ZMYM2: variants seen among roughly 807,000 people sequenced by gnomAD.
ZMYM2 encodes zinc finger MYM-type protein 2.
In ZMYM2, 56 loss-of-function variants were observed where a neutral mutation model predicts 162.8. That is an observed-to-expected ratio of 0.34 (90% CI 0.28 to 0.43). ZMYM2 has a LOEUF of 0.43. ZMYM2 is among the 20% of genes least tolerant of loss of function. The pLI is 1.00. For missense variants in ZMYM2, 1,275 were observed against 1,621.8 expected (o/e 0.79, Z 3.67); for synonymous variants, 510 against 541.6 (o/e 0.94, Z 0.81).
rs781779620 is a variant in ZMYM2 at position 19,993,927 on chromosome 13, G to C, written c.847+8G>C. On this transcript the variant is annotated splice_region_variant and intron_variant, in intron 3 of 24. Coordinates refer to ENST00000610343, the MANE Select transcript of ZMYM2 (RefSeq NM_197968.4). ...CAACTCATCATAATCCTGGTAAGCAGTAAGAGATACTCTACTTCATGTAAA... is the reference window on the plus strand; with the variant it reads ...CAACTCATCATAATCCTGGTAAGCACTAAGAGATACTCTACTTCATGTAAA... 2 of 1,599,624 alleles carry C rather than the reference G, an allele frequency of 1.3e-6. No individual in the cohort carries two copies. Among genetic ancestry groups the C allele is most frequent in the Non-Finnish European group, 1.7e-6 (2 of 1,175,204 alleles).
intron 21 of ZMYM2, among the ~76,000 whole-genome samples, chr13:20,071,366 C>A (rs1370751071): frequency 1.3e-5 from 2 of 152,214 alleles, no homozygotes; most frequent in African/African-American, 4.8e-5. Flanking sequence ...AACAAAGGAA[C>A]GAAGCAGCGA....
intron 14 of ZMYM2, among the ~76,000 whole-genome samples, chr13:20,053,518 G>C (rs1009497169): frequency 6.6e-6 from 1 of 152,184 alleles, no homozygotes; most frequent in Non-Finnish European, 1.5e-5. Flanking sequence ...CGGGCGTGGT[G>C]GTGGGCACCT....
At chr13:20,018,568 G>A (rs1289032473) in intron 6 of ZMYM2, among the ~76,000 whole-genome samples, 1 of 152,096 alleles carries the variant, frequency 6.6e-6, no homozygotes, top group Non-Finnish European at 1.5e-5. Flanking sequence ...TGCTCACTTA[G>A]TTTCTGAAGT....
At chr13:20,074,196 TTG>T (rs59855358) in intron 21 of ZMYM2, among the ~76,000 whole-genome samples, 65,525 of 141,252 alleles carry the variant, frequency 0.46, 16,493 homozygotes, top group East Asian at 0.61. Context: ...ATGTCAGAAT[TTG>T]TGTGTGTGTG....
At chr13:19,949,100 T>G in the ZMYM2 span, among the ~76,000 whole-genome samples, 1 of 34,046 alleles carries the variant, frequency 2.9e-5, no homozygotes, top group Non-Finnish European at 1.2e-4. Context: ...AACCTTATCT[T>G]CACAAAAAAA....
intron 12 of ZMYM2, among the ~76,000 whole-genome samples, chr13:20,046,651 GTATATGTGTGTATA>G (rs1369701809): frequency 2.0e-4 from 28 of 142,044 alleles, no homozygotes; most frequent in Admixed American, 4.2e-4. Flanking sequence ...GTGTACATAT[GTATATGTGTGTATA>G]TATATGTGTG....
chr13:19,888,466 G>A, the ZMYM2 span, among the ~76,000 whole-genome samples: 2 of 151,938 alleles, frequency 1.3e-5, no homozygotes, highest in Non-Finnish European at 2.9e-5. Flanking sequence ...TGGCAATACA[G>A]GCATGAGCCA....
chr13:20,017,615 C>CTTTTTTTT (rs143348416), intron 6 of ZMYM2, among the ~76,000 whole-genome samples: 1 of 146,706 alleles, frequency 6.8e-6, no homozygotes. Flanking sequence ...ATGAATGTTA[C>CTTTTTTTT]TTTTTTTTTT....
At chr13:20,056,953 A>G (rs1955843613) in intron 14 of ZMYM2, among the ~76,000 whole-genome samples, 2 of 152,050 alleles carry the variant, frequency 1.3e-5, no homozygotes, top group Non-Finnish European at 2.9e-5. Context: ...TAAGAAAATC[A>G]CTGACACTGT....
At chr13:19,885,914 T>TGTGTGTATACACACATATGTGTGTAC in the ZMYM2 span, among the ~76,000 whole-genome samples, 1 of 37,876 alleles carries the variant, frequency 2.6e-5, no homozygotes, top group Admixed American at 3.2e-4. Context: ...TATATGTATA[T>TGTGTGTATACACACATATGTGTGTAC]ACACATATAT....
the ZMYM2 span, among the ~76,000 whole-genome samples, chr13:19,880,859 A>G: frequency 1.3e-5 from 2 of 151,846 alleles, no homozygotes; most frequent in South Asian, 4.1e-4. Flanking sequence ...ACAGTTTTTC[A>G]AGGAATCTTA....
chr13:19,878,353 G>A, the ZMYM2 span, among the ~76,000 whole-genome samples: 3 of 151,672 alleles, frequency 2.0e-5, no homozygotes, highest in South Asian at 2.1e-4. Flanking sequence ...ACACCTGGCC[G>A]GTAGTAGCTT....
At chr13:19,867,351 A>C in the ZMYM2 span, among the ~76,000 whole-genome samples, 1 of 87,854 alleles carries the variant, frequency 1.1e-5, no homozygotes. Flanking sequence ...ACTCCATCTC[A>C]AAAAAAAAAA....
chr13:20,042,135 A>G (rs1954310729), intron 12 of ZMYM2, among the ~76,000 whole-genome samples: 3 of 152,182 alleles, frequency 2.0e-5, no homozygotes, highest in East Asian at 3.9e-4. Flanking sequence ...CTCATGGATG[A>G]TATCCAGAAA....
chr13:20,023,840 T>G (rs1388627198), intron 7 of ZMYM2, among the ~76,000 whole-genome samples: 1 of 152,246 alleles, frequency 6.6e-6, no homozygotes, highest in African/African-American at 2.4e-5. Flanking sequence ...TTTCATTAAT[T>G]GGTTCTTTGA....
the ZMYM2 span, among the ~76,000 whole-genome samples, chr13:19,942,106 C>G: frequency 2.0e-5 from 3 of 151,926 alleles, no homozygotes; most frequent in Non-Finnish European, 2.9e-5. Context: ...TTCATAATTA[C>G]CAAACCGAGT....
the ZMYM2 span, among the ~76,000 whole-genome samples, chr13:19,868,597 G>A: frequency 6.6e-6 from 1 of 152,074 alleles, no homozygotes; most frequent in East Asian, 1.9e-4. Context: ...AGGCTTTTCA[G>A]GGAACAGAGC....
the ZMYM2 span, among the ~76,000 whole-genome samples, chr13:19,883,240 G>C: frequency 1.3e-5 from 2 of 152,116 alleles, no homozygotes; most frequent in Non-Finnish European, 2.9e-5. Flanking sequence ...CCAGGGGGTG[G>C]AAAAGTGAAG....
chr13:19,967,105 T>C (rs1955857528), intron 2 of ZMYM2, among the ~76,000 whole-genome samples: 1 of 152,256 alleles, frequency 6.6e-6, no homozygotes, highest in Non-Finnish European at 1.5e-5. Flanking sequence ...TCTGTTTTCA[T>C]TCAGTCTTCC....
Sources: gnomAD v4.1 joint callset for allele counts (sites outside exome capture counted in the v4.1 genomes callset) on GRCh38, gnomAD v4.1.1 for gene constraint, MANE v1.5 for transcripts, NCBI Gene and HGNC (gene_info 2026-07-23, HGNC 2026-07-21) for gene names.